The following SEL1L variants were observed in gnomAD, a reference collection of about 807,000 sequenced individuals.
The protein encoded by SEL1L is SEL1L adaptor subunit of SYVN1 ubiquitin ligase.
In SEL1L, 52 loss-of-function variants were observed where a neutral mutation model predicts 109.8. The ratio of observed to expected loss-of-function variants is 0.47; its 90% CI spans 0.38 to 0.60. The LOEUF (loss-of-function observed/expected upper bound fraction) is 0.60, where lower values mean the gene tolerates loss of function less well. Ranked by LOEUF, SEL1L falls within the 20% of genes least tolerant of loss-of-function variation. SEL1L has a pLI of 0.00. For missense variants in SEL1L, 749 were observed against 962.2 expected (o/e 0.78, Z 2.93); for synonymous variants, 373 against 339.6 (o/e 1.10, Z -1.08).
chr14:81,515,187 A>G (rs910233113), intron 3 of SEL1L, among the ~76,000 whole-genome samples: 8 of 152,140 alleles, frequency 5.3e-5, no homozygotes, highest in Admixed American at 4.6e-4. Context: ...GTCCCCTTCA[A>G]GCTGTAGGGG....
chr14:81,525,438 AT>A (rs1441069172), intron 3 of SEL1L, among the ~76,000 whole-genome samples: 6 of 150,550 alleles, frequency 4.0e-5, no homozygotes, highest in Admixed American at 2.0e-4. Flanking sequence ...AAAAAAAAAA[AT>A]CCCTAATTAA....
intron 1 of SEL1L, among the ~76,000 whole-genome samples, chr14:81,528,108 A>G (rs1885182421): frequency 6.6e-6 from 1 of 152,116 alleles, no homozygotes; most frequent in Admixed American, 6.5e-5. Context: ...ATAAATCTCT[A>G]ATTTCATACT....
Position 81,472,551 on chromosome 14 carries a change from C to T in SEL1L, c.*4421G>A, listed in dbSNP as rs182826484. 22 of 446,580 alleles carry T rather than the reference C, an allele frequency of 4.9e-5. No individual in the cohort carries two copies. The highest frequency in any genetic ancestry group is 8.1e-5 in the African/African-American group (4 of 49,088). 27.7% of individuals were successfully genotyped at this position (446,580 alleles called of 1,614,324 possible). A position where few individuals can be genotyped will look rare whatever the true frequency, so the allele number is the denominator to read the frequency against. On this transcript the variant is annotated 3_prime_UTR_variant, in exon 21 of 21. Transcript: ENST00000336735. ...TTAGTCTAAATGTTACTGTGTGGTA[C>T]GTGTCTCTGCAAGTCCTCTTAAAAA...
At chr14:81,527,646 T>G in intron 2 of SEL1L, 55 bp downstream of exon 2, 2 of 1,304,440 alleles carry the variant, frequency 1.5e-6, no homozygotes, top group Admixed American at 4.6e-5. Flanking sequence ...AGATACATAA[T>G]TCATCCTTTT....
rs930894815 is a variant in SEL1L at position 81,472,785 on chromosome 14, T to C, written c.*4187A>G. 12 of 208,890 alleles carry C rather than the reference T, an allele frequency of 5.7e-5. No individual in the cohort carries two copies. Among genetic ancestry groups the C allele is most frequent in the Non-Finnish European group, 9.9e-5 (10 of 101,204 alleles). The allele number at this position is 208,890 out of a possible 1,614,324, so 12.9% of individuals were successfully genotyped here. ...AATTTCAGGAGTTTAAAATGAAAGATAAATTCAAATTGCCACAAGTGAATG... is the reference window on the plus strand; with the variant it reads ...AATTTCAGGAGTTTAAAATGAAAGACAAATTCAAATTGCCACAAGTGAATG... On this transcript the variant is annotated 3_prime_UTR_variant, in exon 21 of 21. Transcript: ENST00000336735.
At chr14:81,512,779 G>T (rs948687757) in intron 3 of SEL1L, among the ~76,000 whole-genome samples, 6 of 152,106 alleles carry the variant, frequency 3.9e-5, no homozygotes, top group African/African-American at 1.2e-4. Flanking sequence ...TCTATAATAG[G>T]GAATACCACA....
chr14:81,480,866 C>T (rs574136878), intron 19 of SEL1L, among the ~76,000 whole-genome samples: 1 of 152,286 alleles, frequency 6.6e-6, no homozygotes, highest in African/African-American at 2.4e-5. Context: ...CTCTGCTTCG[C>T]TTTGCTAAAG....
intron 19 of SEL1L, among the ~76,000 whole-genome samples, chr14:81,483,160 C>T (rs1003637538): frequency 3.6e-4 from 55 of 152,152 alleles, no homozygotes; most frequent in African/African-American, 1.3e-3. Context: ...TGAAATTCTT[C>T]CCATTTTCAC....
At chr14:81,516,858 A>C (rs1302385783) in intron 3 of SEL1L, among the ~76,000 whole-genome samples, 1 of 152,088 alleles carries the variant, frequency 6.6e-6, no homozygotes, top group African/African-American at 2.4e-5. Context: ...GGAAGCTTCT[A>C]CCTTGTTTCC....
At chr14:81,527,829 A>G (rs905987585) in intron 1 of SEL1L, 91 bp from the exon 2 acceptor site, 1 of 775,552 alleles carries the variant, frequency 1.3e-6, no homozygotes, top group Non-Finnish European at 2.1e-6. Flanking sequence ...ATAGCAAATA[A>G]TAATCAAACA....
chr14:81,524,279 C>T (rs1021005601), intron 3 of SEL1L, among the ~76,000 whole-genome samples: 1 of 152,168 alleles, frequency 6.6e-6, no homozygotes, highest in African/African-American at 2.4e-5. Flanking sequence ...GTGATACCAC[C>T]TGACCTCGCT....
At position 81,533,808 on chromosome 14, in the gene SEL1L, A is replaced by AGCC; in HGVS notation, c.-67_-65dup. ...CCTTCGCCTCTGCCACCACGGACTC[A>AGCC]GCCACCACCGCCGCCTCGCCGCTGC... On this transcript the variant is annotated 5_prime_UTR_variant, in exon 1 of 21. Transcript: ENST00000336735. The AGCC allele has an allele frequency of 6.7e-7, 1 of 1,497,524 alleles. No homozygotes were observed. The highest frequency in any genetic ancestry group is 9.2e-7 in the Non-Finnish European group (1 of 1,088,262). 92.8% of individuals were successfully genotyped at this position (1,497,524 alleles called of 1,614,324 possible). A position where few individuals can be genotyped will look rare whatever the true frequency, so the allele number is the denominator to read the frequency against.
At chr14:81,479,480 C>T in intron 20 of SEL1L, 132 bp downstream of exon 20, 1 of 811,742 alleles carries the variant, frequency 1.2e-6, no homozygotes, top group Non-Finnish European at 1.8e-6. Flanking sequence ...GGTACCTGAG[C>T]TGAGGAGAAG....
chr14:81,513,229 G>C (rs1035658823), intron 3 of SEL1L, among the ~76,000 whole-genome samples: 3 of 152,176 alleles, frequency 2.0e-5, no homozygotes, highest in Non-Finnish European at 4.4e-5. Flanking sequence ...CATGGGCAGG[G>C]CCAAATAAGG....
In SEL1L at chr14:81,526,767, C is replaced by T; in HGVS notation, c.306G>A (p.Lys102=). 1 of 1,609,516 alleles carries T rather than the reference C, an allele frequency of 6.2e-7. No individual in the cohort carries two copies. The highest frequency in any genetic ancestry group is 8.5e-7 in the Non-Finnish European group (1 of 1,178,790). Residue 102 remains lysine (K), a synonymous_variant, in exon 3 of 21, where the codon AAG becomes AAA. Transcript: ENST00000336735. The part of the protein sequence containing the change: ...SFLESPNPEN[K]DYEEPKKVRK... ...GTACTTTCTTTGGCTCTTCATAGTC[C>T]TTGTTTTCTGGATTTGGAGACTCTA...
chr14:81,510,485 T>A (rs1378573112), intron 3 of SEL1L, among the ~76,000 whole-genome samples: 5 of 109,054 alleles, frequency 4.6e-5, no homozygotes, highest in Admixed American at 2.8e-4. Context: ...TCTCTCTCTC[T>A]CTCTCTCTCT....
At chr14:81,497,849 T>C (rs1442264013) in intron 10 of SEL1L, 43 bp downstream of exon 10, 19 of 1,576,522 alleles carry the variant, frequency 1.2e-5, no homozygotes, top group Middle Eastern at 3.4e-4. Context: ...GATTAAAATA[T>C]ACAATGCAGT....
In SEL1L at chr14:81,477,011, G is replaced by A. The variant is rs776515877; in HGVS notation, c.2346C>T (p.Pro782=). The change falls in exon 21 of 21, where the codon CCC becomes CCT. Residue 782 remains proline (P), a synonymous_variant. Coordinates refer to ENST00000336735, the MANE Select transcript of SEL1L (RefSeq NM_005065.6). The stretch of plus-strand genomic sequence containing the variant: ...GCTGCTCTGGTGGCCCCTCCTGCTG[G>A]GGTGGAGCTGGCCGTGGCCCTGGAG... The part of the protein sequence containing the change: ...PRPPGPRPAP[P]QQEGPPEQQP... 6 of 1,614,056 alleles carry A rather than the reference G, an allele frequency of 3.7e-6. No individual in the cohort carries two copies. Among genetic ancestry groups the A allele is most frequent in the Non-Finnish European group, 5.1e-6 (6 of 1,180,050 alleles).
chr14:81,527,238 A>G (rs74557522), intron 2 of SEL1L, among the ~76,000 whole-genome samples: 1 of 152,230 alleles, frequency 6.6e-6, no homozygotes, highest in African/African-American at 2.4e-5. Context: ...CATGCCCCCA[A>G]CATACCTTAT....
Sources: allele counts gnomAD v4.1 joint callset (sites outside exome capture counted in the v4.1 genomes callset), GRCh38; gene constraint gnomAD v4.1.1; transcripts MANE v1.5; gene names NCBI Gene and HGNC (gene_info 2026-07-23, HGNC 2026-07-21).